AOPEP: variants seen among roughly 807,000 people sequenced by gnomAD.
AOPEP encodes the protein aminopeptidase O (putative), also known as aminopeptidase O.
AOPEP carries 77 observed loss-of-function variants against 98.1 expected under a neutral mutation model. The observed-to-expected ratio is 0.78, with a 90% CI of 0.65 to 0.95. AOPEP has a LOEUF of 0.95. Ranked by LOEUF, AOPEP falls within the 40% of genes least tolerant of loss-of-function variation. The probability of loss-of-function intolerance (pLI) is 0.00; values close to 1 mark genes in which losing one functional copy is unlikely to be tolerated. For missense variants in AOPEP, 1,024 were observed against 1,024.7 expected (o/e 1.00, Z 0.01); for synonymous variants, 346 against 365.3 (o/e 0.95, Z 0.60).
At chr9:94,810,515 A>G (rs895186195) in intron 5 of AOPEP, among the ~76,000 whole-genome samples, 1 of 151,802 alleles carries the variant, frequency 6.6e-6, no homozygotes, top group Non-Finnish European at 1.5e-5. Context: ...AGGTTTCACC[A>G]TGTTGGCCAA....
chr9:94,849,506 CTT>C (rs71496986), intron 5 of AOPEP, among the ~76,000 whole-genome samples: 936 of 27,986 alleles, frequency 0.033, 17 homozygotes, highest in African/African-American at 0.042. Context: ...TTCTTTCTTT[CTT>C]TTTTTTTTTT....
chr9:95,133,800 GTTAGTAATAGAT>G, the AOPEP span, among the ~76,000 whole-genome samples: 1 of 152,200 alleles, frequency 6.6e-6, no homozygotes, highest in Non-Finnish European at 1.5e-5. Flanking sequence ...GCACATGTAA[GTTAGTAATAGAT>G]TTAGCAGACA....
In AOPEP at chr9:94,932,760, A is replaced by G. The variant is rs1434655964; in HGVS notation, c.1661+4229A>G. ...CGGCCTCCCAAAGTGCTGGGATTAT[A>G]GGCGTGAACCACTGCGCCCAGCCCA... On this transcript the variant is annotated intron_variant, in intron 7 of 16. Coordinates refer to ENST00000375315, the MANE Select transcript of AOPEP (RefSeq NM_001193329.3). 16 of 980,184 alleles carry G rather than the reference A, an allele frequency of 1.6e-5. No individual in the cohort carries two copies. In the South Asian group the frequency reaches 7.1e-4, roughly 43 times the overall value. 60.7% of individuals were successfully genotyped at this position (980,184 alleles called of 1,614,324 possible). A position where few individuals can be genotyped will look rare whatever the true frequency, so the allele number is the denominator to read the frequency against.
intron 5 of AOPEP, among the ~76,000 whole-genome samples, chr9:94,855,036 G>A (rs555065528): frequency 4.6e-5 from 7 of 152,202 alleles, no homozygotes; most frequent in Admixed American, 1.3e-4. Context: ...TCATAGATAT[G>A]AACCTATTCT....
chr9:95,133,465 G>A, the AOPEP span, among the ~76,000 whole-genome samples: 3 of 152,240 alleles, frequency 2.0e-5, no homozygotes, highest in South Asian at 2.1e-4. Context: ...TGTGTGACTC[G>A]TGGGAGATTA....
At chr9:95,010,603 A>G (rs1270291066) in intron 13 of AOPEP, among the ~76,000 whole-genome samples, 1 of 152,206 alleles carries the variant, frequency 6.6e-6, no homozygotes, top group Non-Finnish European at 1.5e-5. Flanking sequence ...GAGAATTCAT[A>G]ACTAGTCTAC....
chr9:94,909,442 A>T (rs1011667127), intron 5 of AOPEP, among the ~76,000 whole-genome samples: 1 of 151,856 alleles, frequency 6.6e-6, no homozygotes, highest in Non-Finnish European at 1.5e-5. Context: ...CAGCTTTTAT[A>T]CTTAGAAAAT....
chr9:95,048,255 G>C (rs1017773996), intron 13 of AOPEP, among the ~76,000 whole-genome samples: 67 of 152,162 alleles, frequency 4.4e-4, no homozygotes, highest in Non-Finnish European at 8.8e-4. Context: ...TGCAAAGAGA[G>C]AAAGTCCTCA....
At chr9:95,006,187 A>G in intron 13 of AOPEP, 1 of 442,878 alleles carries the variant, frequency 2.3e-6, no homozygotes, top group Non-Finnish European at 4.7e-6. Flanking sequence ...TTAAAACTTG[A>G]TTTGTCATTG....
intron 13 of AOPEP, among the ~76,000 whole-genome samples, chr9:95,040,894 C>T (rs1462945388): frequency 1.5e-5 from 2 of 130,956 alleles, no homozygotes; most frequent in Non-Finnish European, 3.2e-5. Context: ...CATTCCTTTT[C>T]TGATAGAAAA....
chr9:95,007,658 G>A (rs556376914), intron 13 of AOPEP, among the ~76,000 whole-genome samples: 7 of 152,276 alleles, frequency 4.6e-5, no homozygotes, highest in Admixed American at 3.3e-4. Flanking sequence ...AAATTTCAGA[G>A]TCATATCAGA....
At chr9:94,855,982 C>G (rs2044160549) in intron 5 of AOPEP, among the ~76,000 whole-genome samples, 1 of 152,182 alleles carries the variant, frequency 6.6e-6, no homozygotes, top group South Asian at 2.1e-4. Context: ...AGCAATGGGA[C>G]TTATACGTAG....
intron 11 of AOPEP, among the ~76,000 whole-genome samples, chr9:94,999,355 C>T (rs1275343483): frequency 6.6e-6 from 1 of 152,074 alleles, no homozygotes; most frequent in African/African-American, 2.4e-5. Context: ...GTTCCTATGC[C>T]TGGTTAAACA....
chr9:95,060,914 G>T (rs2067265771), intron 14 of AOPEP, 104 bp downstream of exon 14: 1 of 770,794 alleles, frequency 1.3e-6, no homozygotes, highest in African/African-American at 1.7e-5. Context: ...ATTTCTATTA[G>T]CAAAATCTCA....
At chr9:95,084,293 G>C (rs750043578) in intron 16 of AOPEP, among the ~76,000 whole-genome samples, 1 of 152,172 alleles carries the variant, frequency 6.6e-6, no homozygotes, top group Non-Finnish European at 1.5e-5. Flanking sequence ...TTATTTATCT[G>C]AAAGAACTCT....
At chr9:94,778,268 C>T (rs539644211) in intron 3 of AOPEP, among the ~76,000 whole-genome samples, 27 of 152,204 alleles carry the variant, frequency 1.8e-4, no homozygotes, top group East Asian at 9.6e-4. Flanking sequence ...TATATTTACA[C>T]GATCTAGCAA....
intron 5 of AOPEP, among the ~76,000 whole-genome samples, chr9:94,912,569 G>A (rs143305412): frequency 1.4e-3 from 210 of 152,276 alleles, no homozygotes; most frequent in Non-Finnish European, 1.9e-3. Context: ...ATGGCTGACC[G>A]TGTGAGACCC....
intron 4 of AOPEP, among the ~76,000 whole-genome samples, chr9:94,798,077 A>G (rs1286935836): frequency 2.6e-5 from 4 of 152,108 alleles, no homozygotes; most frequent in Admixed American, 2.0e-4. Context: ...AAAGATGGGG[A>G]AAAAGAAGCC....
intron 7 of AOPEP, among the ~76,000 whole-genome samples, chr9:94,942,829 C>T (rs997939586): frequency 2.1e-4 from 32 of 149,048 alleles, no homozygotes; most frequent in African/African-American, 6.0e-4. Flanking sequence ...CGCTTGAACC[C>T]GGGAGGCAGA....
Sources: gnomAD v4.1 joint callset for allele counts (sites outside exome capture counted in the v4.1 genomes callset) on GRCh38, gnomAD v4.1.1 for gene constraint, MANE v1.5 for transcripts, NCBI Gene and HGNC (gene_info 2026-07-23, HGNC 2026-07-21) for gene names.